Variants in OPCML observed in about 807,000 individuals in gnomAD.
OPCML encodes opioid binding protein/cell adhesion molecule like.
In OPCML, 13 loss-of-function variants were observed where a neutral mutation model predicts 37.8. That is an observed-to-expected ratio of 0.34 (90% CI 0.22 to 0.55). The LOEUF is 0.55. Ranked by LOEUF, OPCML falls within the 20% of genes least tolerant of loss-of-function variation. OPCML has a pLI of 0.91. For missense variants in OPCML, 341 were observed against 435.6 expected (o/e 0.78, Z 1.93); for synonymous variants, 176 against 168.8 (o/e 1.04, Z -0.33).
At chr11:133,273,993 T>C in intron 1 of OPCML, among the ~76,000 whole-genome samples, 1 of 152,340 alleles carries the variant, frequency 6.6e-6, no homozygotes, top group Middle Eastern at 3.4e-3. Context: ...ATACATGTAA[T>C]ATACAAATAT....
chr11:133,369,453 G>A (rs1944625121), intron 1 of OPCML, among the ~76,000 whole-genome samples: 2 of 152,188 alleles, frequency 1.3e-5, no homozygotes, highest in African/African-American at 4.8e-5. Context: ...GAGACATGCT[G>A]TAGAGAAGGA....
At chr11:132,565,387 A>G (rs1261976508) in intron 3 of OPCML, among the ~76,000 whole-genome samples, 1 of 152,146 alleles carries the variant, frequency 6.6e-6, no homozygotes, top group East Asian at 1.9e-4. Context: ...TTAATTTGGG[A>G]ATCATATGTA....
rs1159032979 is a variant in OPCML at position 133,437,681 on chromosome 11, TCTCCCCTCTCAACCCC to T, written c.61+94567_61+94582del. 5.6e-3 allele frequency among the ~76,000 whole-genome samples: 533 copies of T among 95,144 alleles called. 9 individuals carry two copies. Among genetic ancestry groups the T allele is most frequent in the African/African-American group, 0.02 (497 of 24,530 alleles). 62.4% of individuals were successfully genotyped at this position (95,144 alleles called of 152,430 possible). On this transcript the variant is annotated intron_variant, in intron 1 of 7. Transcript: ENST00000524381. ...CTCTCCCCTCTCAACCCCGCTCACC[TCTCCCCTCTCAACCCC>T]GCTCACCTCTCCCCTCTCAACCCCG...
At chr11:133,458,176 A>ATG (rs1555161649) in intron 1 of OPCML, among the ~76,000 whole-genome samples, 1 of 132,774 alleles carries the variant, frequency 7.5e-6, no homozygotes, top group African/African-American at 3.7e-5. Flanking sequence ...ATATACATAT[A>ATG]TGTGTATATA....
chr11:133,199,347 A>C (rs1268042033), intron 1 of OPCML, among the ~76,000 whole-genome samples: 2 of 152,150 alleles, frequency 1.3e-5, no homozygotes, highest in African/African-American at 4.8e-5. Flanking sequence ...TGCTTTTATT[A>C]TTGTCTTATA....
intron 2 of OPCML, among the ~76,000 whole-genome samples, chr11:132,667,660 T>G (rs1427407857): frequency 6.6e-6 from 1 of 152,226 alleles, no homozygotes; most frequent in Non-Finnish European, 1.5e-5. Flanking sequence ...CTTTGTGGAT[T>G]CAGCTATGGG....
chr11:133,483,792 A>AGATGATG (rs140352217), intron 1 of OPCML, among the ~76,000 whole-genome samples: 2 of 41,454 alleles, frequency 4.8e-5, no homozygotes, highest in South Asian at 7.7e-4. Context: ...ATAGATACAT[A>AGATGATG]GATGATAGAT....
At chr11:132,775,255 TA>T (rs1946772664) in intron 2 of OPCML, among the ~76,000 whole-genome samples, 1 of 152,228 alleles carries the variant, frequency 6.6e-6, no homozygotes, top group African/African-American at 2.4e-5. Flanking sequence ...CTATCAGAGC[TA>T]CTTGTAGTTG....
At chr11:133,167,448 G>C (rs1431775) in intron 1 of OPCML, among the ~76,000 whole-genome samples, 61,786 of 151,346 alleles carry the variant, frequency 0.41, 13,264 homozygotes, top group South Asian at 0.54. Context: ...TTCTAATTTG[G>C]GCCAAAATCT....
intron 3 of OPCML, among the ~76,000 whole-genome samples, chr11:132,626,370 G>C (rs1178452764): frequency 6.6e-6 from 1 of 151,938 alleles, no homozygotes; most frequent in Non-Finnish European, 1.5e-5. Context: ...ATAGGGGGAA[G>C]ATAAAGCTGG....
chr11:132,700,808 A>G (rs2135920902), intron 2 of OPCML, among the ~76,000 whole-genome samples: 1 of 152,314 alleles, frequency 6.6e-6, no homozygotes, highest in South Asian at 2.1e-4. Flanking sequence ...ATTTTGGCTT[A>G]CAGCGTTGTT....
rs1176620800 is a variant in OPCML, at chr11:132,416,613, A to C, written c.*3580T>G. 2 of 152,208 alleles carry C rather than the reference A, an allele frequency of 1.3e-5. No individual in the cohort carries two copies. Among genetic ancestry groups the C allele is most frequent in the Non-Finnish European group, 2.9e-5 (2 of 68,046 alleles). 9.4% of individuals were successfully genotyped at this position (152,208 alleles called of 1,614,324 possible). ...GTCTTCTCACCCAGGTTTTGAGAACAAACTGCCCAATCTGTAAATGTATCA... is the reference window on the plus strand; with the variant it reads ...GTCTTCTCACCCAGGTTTTGAGAACCAACTGCCCAATCTGTAAATGTATCA... On this transcript the variant is annotated 3_prime_UTR_variant, in exon 8 of 8. Coordinates refer to ENST00000524381, the MANE Select transcript of OPCML (RefSeq NM_001012393.5).
intron 2 of OPCML, among the ~76,000 whole-genome samples, chr11:132,843,193 C>G (rs1941376155): frequency 6.7e-6 from 1 of 149,768 alleles, no homozygotes. Flanking sequence ...CTCCCGGGTT[C>G]AAGCGATTCT....
chr11:132,791,123 T>C (rs529273321), intron 2 of OPCML, among the ~76,000 whole-genome samples: 2 of 152,300 alleles, frequency 1.3e-5, no homozygotes, highest in South Asian at 4.1e-4. Context: ...CTGTGTGGTC[T>C]ACAGAGCTGC....
Position 133,174,119 on chromosome 11 carries a change from G to A in OPCML, c.62-231109C>T, listed in dbSNP as rs970907061. 2.6e-5 allele frequency among the ~76,000 whole-genome samples: 4 copies of A among 152,222 alleles called. No individual in the cohort carries two copies. The highest frequency in any genetic ancestry group is 9.6e-5 in the African/African-American group (4 of 41,466). On this transcript the variant is annotated intron_variant, in intron 1 of 7. Transcript: ENST00000524381. The surrounding 1 kb of genome is among the most constrained non-coding windows in gnomAD (Gnocchi z 4.6). ...ATTAATTTATGTCAGCGTTTTCTGT[G>A]TTGTCAGGCTGGTCCCTTGTGTCTT...
At chr11:132,576,754 G>A (rs1214570806) in intron 3 of OPCML, among the ~76,000 whole-genome samples, 4 of 152,014 alleles carry the variant, frequency 2.6e-5, no homozygotes, top group African/African-American at 7.2e-5. Context: ...CTTCTATACA[G>A]GAGACGACTC....
chr11:132,882,381 G>T (rs1302692185), intron 2 of OPCML, among the ~76,000 whole-genome samples: 12 of 152,168 alleles, frequency 7.9e-5, no homozygotes, highest in Non-Finnish European at 2.9e-5. Flanking sequence ...GTTTGTAGAT[G>T]GTGAGTGGTT....
intron 1 of OPCML, among the ~76,000 whole-genome samples, chr11:133,251,994 C>T (rs919165218): frequency 6.6e-6 from 1 of 152,116 alleles, no homozygotes; most frequent in Admixed American, 6.6e-5. Flanking sequence ...AGGAGGGCCT[C>T]CCCCCAGAGT....
At chr11:132,732,929 G>T (rs1426329729) in intron 2 of OPCML, among the ~76,000 whole-genome samples, 1 of 152,176 alleles carries the variant, frequency 6.6e-6, no homozygotes, top group Non-Finnish European at 1.5e-5. Context: ...AGAAGTAGTA[G>T]TATTATTGAG....
Sources: gnomAD v4.1 joint callset for allele counts (sites outside exome capture counted in the v4.1 genomes callset) on GRCh38, gnomAD v4.1.1 for gene constraint, Gnocchi (gnomAD v3.1) non-coding constraint, MANE v1.5 for transcripts, NCBI Gene and HGNC (gene_info 2026-07-23, HGNC 2026-07-21) for gene names.